The following SLC9A7 variants were observed in gnomAD, a reference collection of about 807,000 sequenced individuals.
SLC9A7 encodes the protein sodium/hydrogen exchanger 7.
In SLC9A7, 19 loss-of-function variants were observed where a neutral mutation model predicts 52.6. The observed-to-expected ratio is 0.36, with a 90% confidence interval of 0.25 to 0.53. The LOEUF is 0.53. Ranked by LOEUF, SLC9A7 falls within the 20% of genes least tolerant of loss-of-function variation. The pLI is 0.91. For missense variants in SLC9A7, 455 were observed against 597.9 expected (o/e 0.76, Z 2.49); for synonymous variants, 226 against 252.1 (o/e 0.90, Z 0.98).
chrX:46,758,606 G>A, intron 1 of SLC9A7, 99 bp downstream of exon 1: 3 of 478,703 alleles, frequency 6.3e-6, no homozygotes, highest in Non-Finnish European at 6.4e-6. Flanking sequence ...TAAAAGAAAC[G>A]GAACACGTTG....
At chrX:46,661,822 A>T (rs186174049) in intron 7 of SLC9A7, among the ~76,000 whole-genome samples, 194 bp downstream of exon 7, 1 of 111,846 alleles carries the variant, frequency 8.9e-6, no homozygotes, top group African/African-American at 3.2e-5. Context: ...GCATTCCTAA[A>T]CATTTTCTCA....
At chrX:46,619,959 G>A (rs776739899) in intron 15 of SLC9A7, among the ~76,000 whole-genome samples, 7 of 111,793 alleles carry the variant, frequency 6.3e-5, no homozygotes, top group Non-Finnish European at 1.1e-4. Flanking sequence ...TTCTTGATTC[G>A]TTTGGTGTTA....
intron 7 of SLC9A7, among the ~76,000 whole-genome samples, chrX:46,661,610 A>G (rs1203212492): frequency 2.7e-5 from 3 of 110,940 alleles, no homozygotes; most frequent in Non-Finnish European, 5.7e-5. Flanking sequence ...CTAACTAGCT[A>G]TCGCCACATA....
At chrX:46,636,609 T>G (rs1943323904) in intron 12 of SLC9A7, among the ~76,000 whole-genome samples, 1 of 109,689 alleles carries the variant, frequency 9.1e-6, no homozygotes, top group Non-Finnish European at 1.9e-5. Flanking sequence ...AGTATCACCC[T>G]CATGGGTATA....
intron 1 of SLC9A7, among the ~76,000 whole-genome samples, chrX:46,719,185 A>C (rs1342010584): frequency 9.2e-6 from 1 of 108,878 alleles, no homozygotes; most frequent in Non-Finnish European, 1.9e-5. Context: ...TGAGCAAACT[A>C]TCACAAGGAC....
At chrX:46,637,613 G>T (rs1943343100) in intron 12 of SLC9A7, among the ~76,000 whole-genome samples, 1 of 111,602 alleles carries the variant, frequency 9.0e-6, no homozygotes, top group Admixed American at 9.5e-5. Flanking sequence ...TTTCGTGTGT[G>T]TTACTTGAAG....
At chrX:46,738,100 AAAGAAAGAG>A (rs200154042) in intron 1 of SLC9A7, among the ~76,000 whole-genome samples, 7,787 of 62,650 alleles carry the variant, frequency 0.12, 569 homozygotes, top group Non-Finnish European at 0.23. Context: ...AGAAAGAAAG[AAAGAAAGAG>A]AAAAGAAAAG....
Position 46,664,173 on chromosome X carries a change from C to T in SLC9A7, c.794-1530G>A, listed in dbSNP as rs756573574. Among the ~76,000 whole-genome samples, 22 of 110,753 alleles carry T rather than the reference C, an allele frequency of 2.0e-4. No individual in the cohort carries two copies. In the South Asian group the frequency reaches 8.5e-3, roughly 43 times the overall value. On this transcript the variant is annotated intron_variant, in intron 5 of 16. Coordinates refer to ENST00000616978, the MANE Select transcript of SLC9A7 (RefSeq NM_001257291.2). ...CTCTCTCTTGATGGTTTCTACCATACAACTGCAAAAACTAAAAACCCACTT... is the reference window on the plus strand; with the variant it reads ...CTCTCTCTTGATGGTTTCTACCATATAACTGCAAAAACTAAAAACCCACTT...
At chrX:46,743,794 T>C (rs1921540714) in intron 1 of SLC9A7, among the ~76,000 whole-genome samples, 1 of 111,298 alleles carries the variant, frequency 9.0e-6, no homozygotes, top group Admixed American at 9.6e-5. Context: ...ATCCTTTCTC[T>C]GGCCCTGTAC....
At chrX:46,650,500 G>C (rs918637781) in intron 10 of SLC9A7, among the ~76,000 whole-genome samples, 12 of 104,913 alleles carry the variant, frequency 1.1e-4, no homozygotes, top group African/African-American at 4.2e-4. Flanking sequence ...TTTTTTTTTT[G>C]GTGGGGGCGG....
At position 46,649,857 on chromosome X, in the gene SLC9A7, G is replaced by T. The variant is rs188472644; in HGVS notation, c.1351-1060C>A. ...AGCAGTTAGGATCTGCAGAGGACCC[G>T]GCTTGGCCTCTGCCAGGCCCTCATC... On this transcript the variant is annotated intron_variant, in intron 10 of 16. Transcript: ENST00000616978. Among the ~76,000 whole-genome samples, 346 of 112,881 alleles carry T rather than the reference G, an allele frequency of 3.1e-3. 1 individual carries two copies. The highest frequency in any genetic ancestry group is 5.7e-3 in the Non-Finnish European group (303 of 53,348).
At chrX:46,616,156 TAAAAA>T (rs775387259) in intron 15 of SLC9A7, among the ~76,000 whole-genome samples, 10 of 84,058 alleles carry the variant, frequency 1.2e-4, no homozygotes, top group Non-Finnish European at 1.9e-4. Context: ...CCTCATCTCT[TAAAAA>T]AAAAAAAAAA....
chrX:46,648,637 T>C, intron 11 of SLC9A7, 49 bp downstream of exon 11: 1 of 920,920 alleles, frequency 1.1e-6, no homozygotes, highest in Non-Finnish European at 1.6e-6. Flanking sequence ...ATCATATTCT[T>C]GTTACCTGCT....
chrX:46,712,314 G>A (rs1835621500), intron 1 of SLC9A7, among the ~76,000 whole-genome samples: 1 of 111,437 alleles, frequency 9.0e-6, no homozygotes, highest in Admixed American at 9.5e-5. Context: ...CGGGCCTCAG[G>A]CTGCTTATAA....
At chrX:46,653,825 C>CT (rs370041978) in intron 7 of SLC9A7, 111 bp from the exon 8 acceptor site, 13,797 of 385,634 alleles carry the variant, frequency 0.036, 1 homozygote, top group East Asian at 0.044. Flanking sequence ...TCCCTTCAAC[C>CT]TTTTTTTTTT....
At chrX:46,629,594 G>A (rs1943189689) in intron 14 of SLC9A7, among the ~76,000 whole-genome samples, 1 of 111,798 alleles carries the variant, frequency 8.9e-6, no homozygotes, top group African/African-American at 3.3e-5. Flanking sequence ...ATGGGAAACA[G>A]CAAAGGGGGT....
At chrX:46,708,571 C>T (rs1944640827) in intron 1 of SLC9A7, among the ~76,000 whole-genome samples, 1 of 111,051 alleles carries the variant, frequency 9.0e-6, no homozygotes, top group Non-Finnish European at 1.9e-5. Context: ...TAGTAAAATA[C>T]AAGTGGGGAG....
intron 1 of SLC9A7, among the ~76,000 whole-genome samples, chrX:46,756,010 A>G (rs782667314): frequency 8.2e-5 from 9 of 109,235 alleles, no homozygotes; most frequent in African/African-American, 3.0e-4. Context: ...AAATTTATAT[A>G]TATATAAATT....
chrX:46,651,036 G>A, intron 10 of SLC9A7, 74 bp downstream of exon 10: 1 of 378,138 alleles, frequency 2.6e-6, no homozygotes, highest in Non-Finnish European at 4.4e-6. Flanking sequence ...TTATTATTAT[G>A]ACTATTATTA....
Sources: allele counts gnomAD v4.1 joint callset (sites outside exome capture counted in the v4.1 genomes callset), GRCh38; gene constraint gnomAD v4.1.1; transcripts MANE v1.5; gene names NCBI Gene and HGNC (gene_info 2026-07-23, HGNC 2026-07-21).